Variants in THOC2 observed in about 807,000 individuals in gnomAD.
The protein encoded by THOC2 is THO complex 2.
A neutral mutation model predicts 128.4 loss-of-function variants in THOC2; 10 were observed. The ratio of observed to expected loss-of-function variants is 0.08; its 90% CI spans 0.05 to 0.13. THOC2 has a LOEUF of 0.13. Among genes scored for constraint, THOC2 ranks in the 10% least tolerant of loss-of-function variants. The pLI is 1.00. For missense variants in THOC2, 535 were observed against 1,155.7 expected (o/e 0.46, Z 7.79); for synonymous variants, 393 against 396.9 (o/e 0.99, Z 0.12).
intron 23 of THOC2, among the ~76,000 whole-genome samples, chrX:123,627,062 C>T (rs748208278): frequency 6.2e-5 from 7 of 112,625 alleles, no homozygotes; most frequent in African/African-American, 2.3e-4. Flanking sequence ...TTTCATACTG[C>T]TGTCATGAGT....
intron 4 of THOC2, among the ~76,000 whole-genome samples, chrX:123,701,615 C>T (rs1018462563): frequency 9.2e-6 from 1 of 108,906 alleles, no homozygotes; most frequent in Non-Finnish European, 1.9e-5. Flanking sequence ...ATGTTACCTA[C>T]ACATCAGTCT....
intron 2 of THOC2, among the ~76,000 whole-genome samples, chrX:123,707,340 A>G (rs1254467836): frequency 8.9e-6 from 1 of 111,791 alleles, no homozygotes; most frequent in Non-Finnish European, 1.9e-5. Flanking sequence ...ATTCAAACCA[A>G]TCATTCTCCT....
chrX:123,728,242 T>TAA (rs201497437), intron 1 of THOC2, among the ~76,000 whole-genome samples: 1 of 102,552 alleles, frequency 9.8e-6, no homozygotes, highest in Non-Finnish European at 2.0e-5. Context: ...CAGGAAATGT[T>TAA]AAAAAAAAAA....
chrX:123,661,903 G>A (rs1349952259), intron 12 of THOC2, among the ~76,000 whole-genome samples: 2 of 111,257 alleles, frequency 1.8e-5, no homozygotes, highest in Non-Finnish European at 3.8e-5. Context: ...GAGGCGGGAA[G>A]ATCCCTTCAG....
At chrX:123,613,370 C>A in intron 36 of THOC2, 29 bp downstream of exon 36, 1 of 1,162,924 alleles carries the variant, frequency 8.6e-7, no homozygotes, top group Non-Finnish European at 1.2e-6. Flanking sequence ...TAAGATAAAG[C>A]ATATTATTCC....
Position 123,631,670 on chromosome X carries a change from A to G in THOC2, c.2481+18T>C. ...ATTTGGATCGTTCTTGAGCGGCAGCAAAGACACTTGTACTTACCGAAATAT... is the reference window on the plus strand; with the variant it reads ...ATTTGGATCGTTCTTGAGCGGCAGCGAAGACACTTGTACTTACCGAAATAT... On this transcript the variant is annotated intron_variant, in intron 22 of 38. Transcript: ENST00000245838. 1.7e-6 allele frequency: 2 copies of G among 1,204,389 alleles called. No homozygotes were observed. Among genetic ancestry groups the G allele is most frequent in the East Asian group, 3.0e-5 (1 of 33,737 alleles).
At chrX:123,629,261 AAC>A (rs757312477) in intron 22 of THOC2, among the ~76,000 whole-genome samples, 3 of 107,004 alleles carry the variant, frequency 2.8e-5, no homozygotes, top group East Asian at 2.9e-4. Flanking sequence ...ATATGAAGAT[AAC>A]ACAGAGTTGC....
chrX:123,625,847 T>C (rs2047249943), intron 25 of THOC2, 65 bp downstream of exon 25: 1 of 1,075,617 alleles, frequency 9.3e-7, no homozygotes, highest in Non-Finnish European at 1.3e-6. Flanking sequence ...CAATAATACC[T>C]CTATAAATTA....
intron 38 of THOC2, among the ~76,000 whole-genome samples, chrX:123,608,138 C>T (rs1169950988): frequency 9.0e-6 from 1 of 110,838 alleles, no homozygotes; most frequent in East Asian, 2.8e-4. Flanking sequence ...CAGTGGCTCA[C>T]GTCTGTAATG....
chrX:123,605,388 T>A (rs1227345590), intron 38 of THOC2, among the ~76,000 whole-genome samples: 2 of 111,761 alleles, frequency 1.8e-5, no homozygotes, highest in Non-Finnish European at 3.8e-5. Flanking sequence ...ACAAAACCTA[T>A]ACTCAGTATT....
intron 38 of THOC2, chrX:123,604,080 C>G (rs186009411): frequency 1.6e-3 from 181 of 112,446 alleles, no homozygotes; most frequent in Non-Finnish European, 2.9e-3. Context: ...CTGCTTTAAC[C>G]ATTGTAAATA....
At position 123,623,792 on chromosome X, in the gene THOC2, A is replaced by G. The variant is rs1399638620; in HGVS notation, c.3498T>C (p.Ala1166=). The part of the protein sequence containing the change: ...KEKRPDLYAL[A]MGYSGQLKSR... Reference sequence around the variant, plus strand: ...TTAAAATATAATTTTGTTACCCCATAGCCAATGCATATAGATCTGGCCTCT... The same window carrying G: ...TTAAAATATAATTTTGTTACCCCATGGCCAATGCATATAGATCTGGCCTCT... The change falls in exon 28 of 39, where the codon GCT becomes GCC. Residue 1166 remains alanine (A), a synonymous_variant. Transcript: ENST00000245838. 8.3e-7 allele frequency: 1 copy of G among 1,207,375 alleles called. No individual in the cohort carries two copies. The highest frequency in any genetic ancestry group is 2.2e-5 in the Admixed American group (1 of 45,540).
At chrX:123,645,303 G>A (rs2048077700) in intron 13 of THOC2, 31 bp downstream of exon 13, 1 of 1,058,066 alleles carries the variant, frequency 9.5e-7, no homozygotes, top group Non-Finnish European at 1.3e-6. Context: ...ACAAACATTA[G>A]ACACATTATT....
intron 38 of THOC2, chrX:123,603,695 G>A (rs1029450772): frequency 1.8e-5 from 8 of 438,429 alleles, no homozygotes; most frequent in Non-Finnish European, 3.3e-5. Context: ...GTGACGCACG[G>A]AGCTTTGGCA....
chrX:123,730,815 G>A (rs2052214011), intron 1 of THOC2, among the ~76,000 whole-genome samples: 1 of 111,919 alleles, frequency 8.9e-6, no homozygotes, highest in East Asian at 2.8e-4. Flanking sequence ...GTGGTAGCAC[G>A]CGCCTGTAGT....
chrX:123,630,445 T>G (rs1446400643), intron 22 of THOC2, among the ~76,000 whole-genome samples: 1 of 108,560 alleles, frequency 9.2e-6, no homozygotes, highest in Admixed American at 9.8e-5. Flanking sequence ...AAATCTCATC[T>G]CTTCTAAAAA....
At chrX:123,724,399 T>C (rs2051847942) in intron 1 of THOC2, among the ~76,000 whole-genome samples, 1 of 112,010 alleles carries the variant, frequency 8.9e-6, no homozygotes. Context: ...AAAAAGGCAA[T>C]GGAAGCCGGG....
Position 123,638,073 on chromosome X carries a change from C to G in THOC2, c.1891G>C (p.Asp631His), listed in dbSNP as rs376015457. 2 of 1,201,405 alleles carry G rather than the reference C, an allele frequency of 1.7e-6. No individual in the cohort carries two copies. The highest frequency in any genetic ancestry group is 1.7e-5 in the African/African-American group (1 of 57,568). ...AGCCAGCTTGAGATGGTTGTGTCAT[C>G]ATGTTTCATTCTTTCCTTTTCTGGA... Reference protein sequence around the residue: ...ANPEKERMKHDDTTISSWLQS... With the variant: ...ANPEKERMKHHDTTISSWLQS... The change falls in exon 18 of 39, where the codon GAT (aspartate) becomes CAT (histidine). Residue 631 changes from aspartate (D) to histidine (H), a missense_variant. Coordinates refer to ENST00000245838, the MANE Select transcript of THOC2 (RefSeq NM_001081550.2).
chrX:123,658,699 G>C (rs1345287757), intron 12 of THOC2, among the ~76,000 whole-genome samples: 1 of 112,365 alleles, frequency 8.9e-6, no homozygotes, highest in Non-Finnish European at 1.9e-5. Context: ...GTTGTGAGGA[G>C]AGAGGGATAA....
Sources: gnomAD v4.1 joint callset for allele counts (sites outside exome capture counted in the v4.1 genomes callset) on GRCh38, gnomAD v4.1.1 for gene constraint, MANE v1.5 for transcripts, NCBI Gene and HGNC (gene_info 2026-07-23, HGNC 2026-07-21) for gene names.